The following TNFRSF13B variants were observed in gnomAD, a reference collection of about 807,000 sequenced individuals.
TNFRSF13B encodes the protein tumor necrosis factor receptor superfamily member 13B.
TNFRSF13B carries 34 observed loss-of-function variants against 24.0 expected under a neutral mutation model. The ratio of observed to expected loss-of-function variants is 1.41; its 90% CI spans 1.08 to 1.88. TNFRSF13B has a LOEUF of 1.88. Among genes scored for constraint, TNFRSF13B ranks in the 40% most tolerant of loss-of-function variants. The pLI is 0.00. For missense variants in TNFRSF13B, 415 were observed against 380.8 expected (o/e 1.09, Z -0.75); for synonymous variants, 173 against 150.3 (o/e 1.15, Z -1.10).
chr17:16,946,879 T>C (rs994450086), intron 3 of TNFRSF13B, among the ~76,000 whole-genome samples: 1 of 152,136 alleles, frequency 6.6e-6, no homozygotes, highest in Non-Finnish European at 1.5e-5. Flanking sequence ...TGAGTCACCA[T>C]GCTGAGCCTT....
rs761877520 is a variant in TNFRSF13B at position 16,940,428 on chromosome 17, A to G, written c.529T>C (p.Cys177Arg). Residue 177 changes from cysteine (C) to arginine (R), a missense_variant, in exon 4 of 5, where the codon TGC becomes CGC. By Grantham distance (180) the Cys-to-Arg change is radical (BLOSUM62 -3). Transcript: ENST00000261652. ...LGLCLCAVLC[C>R]FLVAVACFLK... ...AAGCAGGCCACCGCCACCAGGAAGC[A>G]GCAGAGGACGGCACACAGGCAGAGC... 24 of 1,614,068 alleles carry G rather than the reference A, an allele frequency of 1.5e-5. No homozygotes were observed. In the East Asian group the frequency reaches 5.1e-4, roughly 34 times the overall value.
At chr17:16,952,381 G>A in intron 2 of TNFRSF13B, 65 bp downstream of exon 2, 2 of 1,609,946 alleles carry the variant, frequency 1.2e-6, no homozygotes, top group Non-Finnish European at 1.7e-6. Context: ...GGGGCCAGAG[G>A]GTGCTCTAGG....
chr17:16,961,026 G>C (rs1037565221), intron 1 of TNFRSF13B, among the ~76,000 whole-genome samples: 2 of 152,164 alleles, frequency 1.3e-5, no homozygotes, highest in African/African-American at 4.8e-5. Flanking sequence ...AGTCATTAGG[G>C]AAATGCAAAT....
At chr17:16,967,778 AAAG>A (rs1286579099) in intron 1 of TNFRSF13B, among the ~76,000 whole-genome samples, 7 of 145,938 alleles carry the variant, frequency 4.8e-5, no homozygotes, top group African/African-American at 1.8e-4. Flanking sequence ...AAAAAGAAAG[AAAG>A]AAAAAAAAAA....
chr17:16,964,762 C>G (rs2087688089), intron 1 of TNFRSF13B, among the ~76,000 whole-genome samples: 1 of 152,148 alleles, frequency 6.6e-6, no homozygotes, highest in Non-Finnish European at 1.5e-5. Flanking sequence ...TAATTTTCAC[C>G]TCCTGCCAGC....
chr17:16,969,837 A>G (rs1424461352), intron 1 of TNFRSF13B, among the ~76,000 whole-genome samples: 1 of 152,170 alleles, frequency 6.6e-6, no homozygotes, highest in Non-Finnish European at 1.5e-5. Context: ...ATCTAAAATC[A>G]AAGGATCAAA....
chr17:16,971,296 C>T (rs1432756147), intron 1 of TNFRSF13B, among the ~76,000 whole-genome samples: 2 of 151,930 alleles, frequency 1.3e-5, no homozygotes, highest in South Asian at 2.1e-4. Flanking sequence ...TTGCAGAAAG[C>T]CGAGATCATG....
At chr17:16,946,342 G>A (rs118156715) in intron 3 of TNFRSF13B, among the ~76,000 whole-genome samples, 3 of 152,186 alleles carry the variant, frequency 2.0e-5, no homozygotes, top group Non-Finnish European at 4.4e-5. Flanking sequence ...AGATGCCATC[G>A]CTAGTATTTA....
chr17:16,952,648 G>A (rs1435423513), intron 1 of TNFRSF13B, 65 bp from the exon 2 acceptor site: 8 of 1,611,530 alleles, frequency 5.0e-6, no homozygotes, highest in Non-Finnish European at 6.8e-6. Flanking sequence ...GTCCCTGATG[G>A]GAACCAAGAC....
intron 3 of TNFRSF13B, among the ~76,000 whole-genome samples, chr17:16,945,671 C>G (rs911968609): frequency 6.6e-6 from 1 of 152,204 alleles, no homozygotes; most frequent in Non-Finnish European, 1.5e-5. Context: ...CATGGCCCCT[C>G]GCATCTGTGG....
intron 1 of TNFRSF13B, among the ~76,000 whole-genome samples, chr17:16,958,622 A>C (rs927362769): frequency 7.2e-5 from 11 of 152,108 alleles, no homozygotes; most frequent in Non-Finnish European, 1.6e-4. Context: ...AGAATGGAAA[A>C]GGTATTTTAT....
At chr17:16,949,796 C>T (rs563719794) in intron 2 of TNFRSF13B, among the ~76,000 whole-genome samples, 162 of 152,144 alleles carry the variant, frequency 1.1e-3, no homozygotes, top group African/African-American at 3.9e-3. Flanking sequence ...AGCAATTCTC[C>T]TGCCTCAGCC....
chr17:16,965,982 C>T (rs1055825396), intron 1 of TNFRSF13B, among the ~76,000 whole-genome samples: 7 of 152,028 alleles, frequency 4.6e-5, no homozygotes, highest in South Asian at 4.2e-4. Context: ...TGGCTGGATG[C>T]GGCGGCTCAT....
chr17:16,940,918 T>C, intron 3 of TNFRSF13B: 2 of 1,103,458 alleles, frequency 1.8e-6, no homozygotes, highest in Non-Finnish European at 2.2e-6. Context: ...TTTACAGTCG[T>C]CCCTTGGTAT....
chr17:16,955,659 G>A (rs1313605704), intron 1 of TNFRSF13B, among the ~76,000 whole-genome samples: 1 of 152,160 alleles, frequency 6.6e-6, no homozygotes, highest in Non-Finnish European at 1.5e-5. Flanking sequence ...TCATATTTAC[G>A]AAGTCAAGAC....
intron 3 of TNFRSF13B, among the ~76,000 whole-genome samples, chr17:16,945,474 C>T (rs964387817): frequency 2.0e-5 from 3 of 152,364 alleles, no homozygotes; most frequent in Admixed American, 6.5e-5. Flanking sequence ...CACGCATTCC[C>T]TGTGTGACTG....
chr17:16,956,322 C>T (rs967842880), intron 1 of TNFRSF13B, among the ~76,000 whole-genome samples: 3 of 152,180 alleles, frequency 2.0e-5, no homozygotes, highest in Non-Finnish European at 4.4e-5. Flanking sequence ...GTCACCACAA[C>T]GTAACACTCA....
intron 1 of TNFRSF13B, 96 bp from the exon 2 acceptor site, chr17:16,952,679 G>A (rs1206985950): frequency 5.7e-6 from 9 of 1,566,580 alleles, no homozygotes; most frequent in South Asian, 3.4e-5. Flanking sequence ...GCCCACATTC[G>A]CACAGACAAC....
At chr17:16,967,769 A>G (rs1412909999) in intron 1 of TNFRSF13B, among the ~76,000 whole-genome samples, 259 of 146,850 alleles carry the variant, frequency 1.8e-3, no homozygotes, top group African/African-American at 5.9e-3. Context: ...AAAAAAAAAA[A>G]AAAGAAAGAA....
Sources: allele counts gnomAD v4.1 joint callset (sites outside exome capture counted in the v4.1 genomes callset), GRCh38; gene constraint gnomAD v4.1.1; transcripts MANE v1.5; gene names NCBI Gene and HGNC (gene_info 2026-07-23, HGNC 2026-07-21).